Variants in SLCO1C1 observed in about 807,000 individuals in gnomAD.
The protein encoded by SLCO1C1 is solute carrier organic anion transporter family member 1C1.
SLCO1C1 carries 70 observed loss-of-function variants against 76.4 expected under a neutral mutation model. That is an observed-to-expected ratio of 0.92 (90% CI 0.76 to 1.12). The LOEUF (loss-of-function observed/expected upper bound fraction) is 1.12. SLCO1C1 is among the 50% of genes most tolerant of loss of function. The pLI is 0.00. For synonymous variants in SLCO1C1, 306 were observed against 286.1 expected, an observed-to-expected ratio of 1.07 and a Z score of -0.70; for missense variants, 912 against 823.8, an observed-to-expected ratio of 1.11 and a Z score of -1.31.
chr12:20,726,710 A>C (rs886379985), intron 9 of SLCO1C1, among the ~76,000 whole-genome samples: 1 of 151,512 alleles, frequency 6.6e-6, no homozygotes, highest in African/African-American at 2.4e-5. Flanking sequence ...ATATTTTTCA[A>C]GTTTTATTTT....
At chr12:20,746,089 T>G (rs1294802180) in intron 13 of SLCO1C1, among the ~76,000 whole-genome samples, 1 of 152,044 alleles carries the variant, frequency 6.6e-6, no homozygotes, top group Non-Finnish European at 1.5e-5. Context: ...ATGAGATGAT[T>G]ATGGGACTTT....
At chr12:20,719,739 G>A (rs929219130) in intron 7 of SLCO1C1, among the ~76,000 whole-genome samples, 16 of 152,290 alleles carry the variant, frequency 1.1e-4, no homozygotes, top group African/African-American at 2.6e-4. Context: ...TGAAGCTGGC[G>A]CAAACAGGTT....
intron 13 of SLCO1C1, among the ~76,000 whole-genome samples, chr12:20,750,415 G>T (rs1949244071): frequency 6.6e-6 from 1 of 152,170 alleles, no homozygotes; most frequent in African/African-American, 2.4e-5. Flanking sequence ...GTCTATAGGG[G>T]AAGAAGTTGA....
intron 1 of SLCO1C1, among the ~76,000 whole-genome samples, chr12:20,696,429 A>G (rs1290714763): frequency 1.1e-4 from 17 of 152,108 alleles, no homozygotes; most frequent in Non-Finnish European, 1.9e-4. Context: ...TCAGTTGCAG[A>G]GCAGAGGGGT....
chr12:20,749,385 G>A (rs1390387856), intron 13 of SLCO1C1, among the ~76,000 whole-genome samples: 4 of 152,136 alleles, frequency 2.6e-5, no homozygotes, highest in Non-Finnish European at 5.9e-5. Flanking sequence ...AGCGGTTGGG[G>A]GAGTGAGGCA....
In SLCO1C1 at chr12:20,699,527, T is replaced by G. The variant is rs201272444; in HGVS notation, c.-25-25T>G. ...TAAATTGCGTAGTATTTATTTATTT[T>G]TACTTTAAAAACTAACTTTGACAGA... On this transcript the variant is annotated intron_variant, in intron 1 of 14. Transcript: ENST00000266509. 113 of 1,518,450 alleles carry G rather than the reference T, an allele frequency of 7.4e-5. No individual in the cohort carries two copies. The African/African-American group carries it at 1.4e-3, about 19-fold the overall frequency. The allele number at this position is 1,518,450 out of a possible 1,614,324, so 94.1% of individuals were successfully genotyped here. A position where few individuals can be genotyped will look rare whatever the true frequency, so the allele number is the denominator to read the frequency against.
intron 4 of SLCO1C1, among the ~76,000 whole-genome samples, chr12:20,710,195 CTTTTCTTTTTTTTTT>C (rs1415144595): frequency 8.0e-6 from 1 of 125,176 alleles, no homozygotes; most frequent in Non-Finnish European, 1.6e-5. Context: ...CAGTTCTCTA[CTTTTCTTTTTTTTTT>C]TTTTTTTTTT....
rs1949366937 is a variant in SLCO1C1, at chr12:20,752,630, CA to C, written c.*108del. ...TAAATTTGTAATTTCTTTCTCCTTT[CA>C]AAAAATGTCTACTTTGTTTTGGTCC... On this transcript the variant is annotated 3_prime_UTR_variant, in exon 15 of 15. Transcript: ENST00000266509. The C allele has an allele frequency of 1.0e-6, 1 of 956,672 alleles. No individual in the cohort carries two copies. Among genetic ancestry groups the C allele is most frequent in the Non-Finnish European group, 1.5e-6 (1 of 665,122 alleles). 59.3% of individuals were successfully genotyped at this position (956,672 alleles called of 1,614,324 possible).
intron 12 of SLCO1C1, among the ~76,000 whole-genome samples, chr12:20,742,439 A>C (rs1437993492): frequency 1.3e-5 from 2 of 151,980 alleles, no homozygotes. Context: ...CATTATGATT[A>C]CTATTAAATT....
intron 9 of SLCO1C1, among the ~76,000 whole-genome samples, chr12:20,725,325 T>A (rs1405141449): frequency 7.3e-6 from 1 of 136,260 alleles, no homozygotes; most frequent in Non-Finnish European, 1.6e-5. Context: ...CACTATAAGA[T>A]AGTATTATAT....
intron 11 of SLCO1C1, 74 bp downstream of exon 11, chr12:20,737,346 C>A: frequency 7.0e-7 from 1 of 1,423,718 alleles, no homozygotes; most frequent in Non-Finnish European, 9.3e-7. Context: ...TGGGGGCTCA[C>A]AGCAGACCAC....
In SLCO1C1 at chr12:20,711,377, C is replaced by T. The variant is rs769319896; in HGVS notation, c.405-9C>T. The T allele has an allele frequency of 2.2e-5, 35 of 1,610,558 alleles. No homozygotes were observed. The highest frequency in any genetic ancestry group is 2.9e-5 in the Non-Finnish European group (34 of 1,178,658). On this transcript the variant is annotated splice_polypyrimidine_tract_variant and intron_variant, in intron 4 of 14. Coordinates refer to ENST00000266509, the MANE Select transcript of SLCO1C1 (RefSeq NM_017435.5). ...AGTCTATCATGAAGAAAACATTCCTCTTATGCAGGTACAAATATGAGAGAT... is the reference window on the plus strand; with the variant it reads ...AGTCTATCATGAAGAAAACATTCCTTTTATGCAGGTACAAATATGAGAGAT...
intron 9 of SLCO1C1, among the ~76,000 whole-genome samples, chr12:20,728,076 T>G (rs1948110472): frequency 1.3e-5 from 2 of 152,208 alleles, no homozygotes; most frequent in South Asian, 4.1e-4. Context: ...GACAAAGACA[T>G]AAATTCTTTG....
chr12:20,731,187 A>G (rs1948246394), intron 9 of SLCO1C1, among the ~76,000 whole-genome samples: 1 of 152,216 alleles, frequency 6.6e-6, no homozygotes, highest in African/African-American at 2.4e-5. Flanking sequence ...GCCTTCAGCC[A>G]AACTATCTGA....
At chr12:20,726,740 C>T (rs1262703256) in intron 9 of SLCO1C1, among the ~76,000 whole-genome samples, 1 of 151,670 alleles carries the variant, frequency 6.6e-6, no homozygotes, top group Non-Finnish European at 1.5e-5. Flanking sequence ...AGTATGTGTA[C>T]AGTGCAGGTT....
At chr12:20,699,838 A>G (rs1253389755) in intron 2 of SLCO1C1, 133 bp downstream of exon 2, 3 of 1,078,314 alleles carry the variant, frequency 2.8e-6, no homozygotes, top group Non-Finnish European at 2.5e-6. Flanking sequence ...AATTTACTAA[A>G]ACCACACCTT....
chr12:20,711,551 A>G (rs1947102483), intron 5 of SLCO1C1, 41 bp downstream of exon 5: 1 of 1,600,786 alleles, frequency 6.2e-7, no homozygotes, highest in African/African-American at 1.3e-5. Context: ...AGCTTTTAAA[A>G]AAAAGACTTT....
chr12:20,719,337 G>T (rs914020032), intron 7 of SLCO1C1, among the ~76,000 whole-genome samples: 1 of 151,946 alleles, frequency 6.6e-6, no homozygotes, highest in Non-Finnish European at 1.5e-5. Context: ...TTGAAATTAG[G>T]CCAATTAGTA....
rs190313981 is a variant in SLCO1C1 at position 20,717,371 on chromosome 12, A to C, written c.775+141A>C. On this transcript the variant is annotated intron_variant, in intron 7 of 14. Transcript: ENST00000266509. ...TCATAAACTAAAAATTTTATTATTA[A>C]TATAGTTATACAGATTAATAAATGG... The C allele has an allele frequency of 2.8e-5, 16 of 570,354 alleles. No homozygotes were observed. In the East Asian group the frequency reaches 4.7e-4, roughly 17 times the overall value. 35.3% of individuals were successfully genotyped at this position (570,354 alleles called of 1,614,324 possible).
Sources: allele counts gnomAD v4.1 joint callset (sites outside exome capture counted in the v4.1 genomes callset), GRCh38; gene constraint gnomAD v4.1.1; transcripts MANE v1.5; gene names NCBI Gene and HGNC (gene_info 2026-07-23, HGNC 2026-07-21).